Variants in ALCAM observed in about 807,000 individuals in gnomAD.
ALCAM encodes the protein CD166 antigen.
A neutral mutation model predicts 70.9 loss-of-function variants in ALCAM; 30 were observed. That is an observed-to-expected ratio of 0.42 (90% CI 0.32 to 0.57). The LOEUF is 0.57. Ranked by LOEUF, ALCAM falls within the 20% of genes least tolerant of loss-of-function variation. The probability of loss-of-function intolerance (pLI) is 0.11; values close to 1 mark genes in which losing one functional copy is unlikely to be tolerated. For missense variants in ALCAM, 591 were observed against 695.1 expected (o/e 0.85, Z 1.68); for synonymous variants, 249 against 242.5 (o/e 1.03, Z -0.25).
At chr3:105,443,140 A>G (rs1371431787) in intron 1 of ALCAM, among the ~76,000 whole-genome samples, 2 of 152,164 alleles carry the variant, frequency 1.3e-5, no homozygotes, top group African/African-American at 4.8e-5. Context: ...TTTTGTTTCT[A>G]TTTTGGGTGC....
chr3:105,540,394 G>A (rs1043125397), intron 7 of ALCAM, among the ~76,000 whole-genome samples: 3 of 152,006 alleles, frequency 2.0e-5, no homozygotes, highest in African/African-American at 7.2e-5. Context: ...CTCAGAAGCA[G>A]ATAACTACAA....
intron 1 of ALCAM, chr3:105,439,378 AGTTTTT>A (rs1201290456): frequency 2.0e-5 from 3 of 152,048 alleles, no homozygotes; most frequent in Admixed American, 6.5e-5. Flanking sequence ...CATATGCCTC[AGTTTTT>A]GTTTTTGTTT....
intron 1 of ALCAM, among the ~76,000 whole-genome samples, chr3:105,470,342 C>T (rs551193654): frequency 6.9e-6 from 1 of 145,328 alleles, no homozygotes; most frequent in Non-Finnish European, 1.5e-5. Context: ...TATGCATTTA[C>T]TTGATAACTC....
chr3:105,462,825 A>G (rs1210742136), intron 1 of ALCAM, among the ~76,000 whole-genome samples: 1 of 151,456 alleles, frequency 6.6e-6, no homozygotes, highest in African/African-American at 2.4e-5. Context: ...TTCATTGCAT[A>G]GTGACATTCT....
At chr3:105,452,124 G>T (rs1937443812) in intron 1 of ALCAM, among the ~76,000 whole-genome samples, 1 of 151,466 alleles carries the variant, frequency 6.6e-6, no homozygotes, top group Non-Finnish European at 1.5e-5. Context: ...CAAAAAAAAG[G>T]ATACATGTGC....
At chr3:105,547,626 A>G in intron 11 of ALCAM, 103 bp downstream of exon 11, 1 of 1,452,954 alleles carries the variant, frequency 6.9e-7, no homozygotes, top group Non-Finnish European at 9.3e-7. Context: ...TAAAATTTGC[A>G]GTGTGTAGGT....
At chr3:105,552,648 C>G (rs1163699141) in intron 14 of ALCAM, 63 bp downstream of exon 14, 10 of 1,607,914 alleles carry the variant, frequency 6.2e-6, no homozygotes, top group Admixed American at 5.0e-5. Context: ...ATACAATGTG[C>G]TAATTTTGCT....
At chr3:105,466,992 G>T (rs905156854) in intron 1 of ALCAM, among the ~76,000 whole-genome samples, 2 of 151,352 alleles carry the variant, frequency 1.3e-5, no homozygotes, top group Admixed American at 1.3e-4. Context: ...AGAAGAGAAA[G>T]AGAAGGGACT....
chr3:105,417,106 C>T (rs1210193397), intron 1 of ALCAM, among the ~76,000 whole-genome samples: 1 of 151,710 alleles, frequency 6.6e-6, no homozygotes, highest in Non-Finnish European at 1.5e-5. Context: ...CTGAACTTTC[C>T]TTATTTTCAA....
chr3:105,568,943 T>G (rs1180108054), intron 14 of ALCAM, among the ~76,000 whole-genome samples: 9 of 152,200 alleles, frequency 5.9e-5, no homozygotes, highest in African/African-American at 1.9e-4. Flanking sequence ...ATTTTAAGGT[T>G]GTGAAATCAT....
chr3:105,447,698 C>A (rs949233423), intron 1 of ALCAM, among the ~76,000 whole-genome samples: 1 of 152,130 alleles, frequency 6.6e-6, no homozygotes, highest in Non-Finnish European at 1.5e-5. Flanking sequence ...GGTGACAGAG[C>A]AAGAAACTGT....
intron 1 of ALCAM, among the ~76,000 whole-genome samples, chr3:105,398,806 T>G (rs1002046765): frequency 1.3e-5 from 2 of 152,092 alleles, no homozygotes; most frequent in Non-Finnish European, 2.9e-5. Context: ...ATGTCTACAT[T>G]TTTCTTAGCA....
chr3:105,534,945 T>C, intron 6 of ALCAM, 100 bp downstream of exon 6: 6 of 1,202,318 alleles, frequency 5.0e-6, no homozygotes, highest in Non-Finnish European at 6.9e-6. Flanking sequence ...CTTTGAATTC[T>C]GCTTCCAGTC....
intron 15 of ALCAM, 105 bp downstream of exon 15, chr3:105,572,069 A>T (rs1382432126): frequency 1.5e-6 from 1 of 651,418 alleles, no homozygotes; most frequent in Non-Finnish European, 2.6e-6. Flanking sequence ...TACAGCTTTC[A>T]AAACAGGAAG....
At chr3:105,492,284 A>G (rs1011136817) in intron 1 of ALCAM, among the ~76,000 whole-genome samples, 2 of 152,188 alleles carry the variant, frequency 1.3e-5, no homozygotes, top group African/African-American at 2.4e-5. Context: ...CCCATAACAC[A>G]TGGAGATTAT....
chr3:105,541,838 A>C lies in ALCAM; in HGVS notation c.991+73A>C, dbSNP rs567038700. ...ATAGCTTAATGTAGCTATCTTTTCA[A>C]ATAAACTGCACGTATATCTTTCTTA... On this transcript the variant is annotated intron_variant, in intron 8 of 15. Coordinates refer to ENST00000306107, the MANE Select transcript of ALCAM (RefSeq NM_001627.4). 5.1e-5 allele frequency: 78 copies of C among 1,532,892 alleles called. 1 individual carries two copies. The East Asian group carries it at 6.6e-4, about 13-fold the overall frequency. 95.0% of individuals were successfully genotyped at this position (1,532,892 alleles called of 1,614,324 possible). A position where few individuals can be genotyped will look rare whatever the true frequency, so the allele number is the denominator to read the frequency against.
At position 105,494,365 on chromosome 3, in the gene ALCAM, C is replaced by T. The variant is rs541455510; in HGVS notation, c.74-25702C>T. On this transcript the variant is annotated intron_variant, in intron 1 of 15. Transcript: ENST00000306107. ...AAAAATAAAATGTGACATCACTAAC[C>T]TGTTATATTGTAGAATATAACAATG... Among the ~76,000 whole-genome samples, 58 of 152,270 alleles carry T rather than the reference C, an allele frequency of 3.8e-4. 1 individual carries two copies. Among genetic ancestry groups the T allele is most frequent in the Middle Eastern group, 3.4e-3 (1 of 292 alleles).
intron 1 of ALCAM, among the ~76,000 whole-genome samples, chr3:105,443,232 T>C (rs760181991): frequency 1.3e-5 from 2 of 152,166 alleles, no homozygotes; most frequent in Non-Finnish European, 2.9e-5. Context: ...ATCCATTCAA[T>C]CACTAATTCT....
intron 1 of ALCAM, among the ~76,000 whole-genome samples, chr3:105,407,405 G>A (rs1444530206): frequency 2.0e-5 from 3 of 151,970 alleles, no homozygotes; most frequent in African/African-American, 2.4e-5. Context: ...GGGATGCAGG[G>A]ATTGTTTAAC....
Sources: gnomAD v4.1 joint callset for allele counts (sites outside exome capture counted in the v4.1 genomes callset) on GRCh38, gnomAD v4.1.1 for gene constraint, MANE v1.5 for transcripts, NCBI Gene and HGNC (gene_info 2026-07-23, HGNC 2026-07-21) for gene names.